Variants in EEFSEC observed in about 807,000 individuals in gnomAD.
EEFSEC encodes eukaryotic elongation factor, selenocysteine-tRNA specific.
In EEFSEC, 43 loss-of-function variants were observed where a neutral mutation model predicts 42.1. The ratio of observed to expected loss-of-function variants is 1.02; its 90% CI spans 0.80 to 1.32. The LOEUF (loss-of-function observed/expected upper bound fraction) is 1.32. Among genes scored for constraint, EEFSEC ranks in the 40% most tolerant of loss-of-function variants. The probability of loss-of-function intolerance (pLI) is 0.00; values close to 1 mark genes in which losing one functional copy is unlikely to be tolerated. For synonymous variants in EEFSEC, 354 were observed against 339.1 expected, an observed-to-expected ratio of 1.04 and a Z score of -0.48; for missense variants, 745 against 803.6, an observed-to-expected ratio of 0.93 and a Z score of 0.88.
intron 4 of EEFSEC, among the ~76,000 whole-genome samples, chr3:128,322,352 C>T (rs533193171): frequency 2.0e-5 from 3 of 152,348 alleles, no homozygotes; most frequent in African/African-American, 7.2e-5. Context: ...GTGTGGTGCC[C>T]ACATGGGGCA....
chr3:128,258,539 C>G (rs1390765914), intron 2 of EEFSEC, among the ~76,000 whole-genome samples: 1 of 152,114 alleles, frequency 6.6e-6, no homozygotes, highest in Non-Finnish European at 1.5e-5. Context: ...AGCATCTAGC[C>G]AGGTGCTGTG....
At chr3:128,417,013 G>A in the EEFSEC span, among the ~76,000 whole-genome samples, 31 of 152,132 alleles carry the variant, frequency 2.0e-4, no homozygotes, top group African/African-American at 6.3e-4. This position sits in a 1 kb window ranked among gnomAD's most constrained non-coding sequence, Gnocchi z 4.3. Context: ...GTCCCAGCAG[G>A]GTTCCTGACC....
chr3:128,281,942 G>A (rs1485474514), intron 4 of EEFSEC, among the ~76,000 whole-genome samples: 5 of 152,248 alleles, frequency 3.3e-5, no homozygotes, highest in Admixed American at 1.3e-4. Context: ...ACCTGATCCT[G>A]CTTTGGCTCT....
chr3:128,279,663 T>A (rs1305313072), intron 4 of EEFSEC, among the ~76,000 whole-genome samples: 2 of 152,000 alleles, frequency 1.3e-5, no homozygotes, highest in African/African-American at 2.4e-5. Context: ...CTACCCAGAG[T>A]TGTATGCCAG....
At chr3:128,358,658 C>A (rs1315711922) in intron 6 of EEFSEC, among the ~76,000 whole-genome samples, 1 of 152,192 alleles carries the variant, frequency 6.6e-6, no homozygotes, top group African/African-American at 2.4e-5. Context: ...GGGCCCGCAC[C>A]TTGGTTTCTC....
intron 5 of EEFSEC, among the ~76,000 whole-genome samples, chr3:128,353,773 C>A (rs957792870): frequency 6.6e-6 from 1 of 152,212 alleles, no homozygotes; most frequent in Admixed American, 6.5e-5. Context: ...TGGGGCATTG[C>A]CACACTCACT....
At chr3:128,337,468 G>T (rs573937609) in intron 4 of EEFSEC, among the ~76,000 whole-genome samples, 119 of 152,340 alleles carry the variant, frequency 7.8e-4, no homozygotes, top group African/African-American at 2.5e-3. Flanking sequence ...CATCAGGGCA[G>T]CATGAGGCCC....
intron 1 of EEFSEC, among the ~76,000 whole-genome samples, chr3:128,206,247 G>C (rs1175015861): frequency 2.6e-5 from 4 of 152,160 alleles, no homozygotes; most frequent in Admixed American, 6.5e-5. Flanking sequence ...GCAAAATCTG[G>C]TAATATTTAT....
chr3:128,276,490 C>T (rs1053021495), intron 4 of EEFSEC, among the ~76,000 whole-genome samples: 29 of 152,312 alleles, frequency 1.9e-4, no homozygotes, highest in African/African-American at 6.7e-4. Context: ...CTCTGAGCCT[C>T]AGCTTCCTTA....
rs572660462 is a variant in EEFSEC, at chr3:128,175,983, A to G, written c.316+22160A>G. ...CTGAGCCTCAGTTTTCTCATCTTCA[A>G]AATGGGGAGAATAAACTTACAAGTG... On this transcript the variant is annotated intron_variant, in intron 1 of 6. Transcript: ENST00000254730. Among the ~76,000 whole-genome samples the G allele has an allele frequency of 3.3e-5, 5 of 152,326 alleles. No homozygotes were observed. In the South Asian group the frequency reaches 8.3e-4, roughly 25 times the overall value.
At chr3:128,296,534 A>G (rs1230979621) in intron 4 of EEFSEC, among the ~76,000 whole-genome samples, 2 of 152,132 alleles carry the variant, frequency 1.3e-5, no homozygotes, top group African/African-American at 4.8e-5. Flanking sequence ...TTTTCTCAGC[A>G]TACTCACCTT....
chr3:128,204,625 C>G (rs990910128), intron 1 of EEFSEC, among the ~76,000 whole-genome samples: 7 of 152,086 alleles, frequency 4.6e-5, no homozygotes, highest in Non-Finnish European at 1.0e-4. Context: ...ATACGATGCT[C>G]CCAGCCACTC....
At chr3:128,159,729 T>C (rs908750673) in intron 1 of EEFSEC, among the ~76,000 whole-genome samples, 12 of 152,206 alleles carry the variant, frequency 7.9e-5, no homozygotes, top group African/African-American at 2.9e-4. Flanking sequence ...TTGCACCTGT[T>C]GTTGCCTCTG....
Position 128,262,152 on chromosome 3 carries a change from C to A in EEFSEC, c.549C>A (p.Pro183=). The A allele has an allele frequency of 1.9e-6, 3 of 1,614,072 alleles. No homozygotes were observed. Among genetic ancestry groups the A allele is most frequent in the Non-Finnish European group, 2.5e-6 (3 of 1,179,998 alleles). ...GGTTCCGAGGTGCACCGATTATACC[C>A]GTGGCGGCCAAGCCGGGGGGACCAG... ...NTKFRGAPII[P]VAAKPGGPEA... is the part of the protein sequence containing the mutation. Residue 183 remains proline, a synonymous_variant, in exon 3 of 7, where the codon CCC becomes CCA. Transcript: ENST00000254730.
At chr3:128,390,204 G>A (rs1027419216) in intron 6 of EEFSEC, among the ~76,000 whole-genome samples, 7 of 152,228 alleles carry the variant, frequency 4.6e-5, no homozygotes, top group African/African-American at 1.4e-4. Flanking sequence ...TAACACAAAA[G>A]TGGGACTTGG....
At chr3:128,386,680 A>G (rs58042972) in intron 6 of EEFSEC, among the ~76,000 whole-genome samples, 14,397 of 152,194 alleles carry the variant, frequency 0.095, 1,604 homozygotes, top group African/African-American at 0.27. Context: ...TTCTGGTGAG[A>G]CCTCAGGAAG....
intron 1 of EEFSEC, among the ~76,000 whole-genome samples, chr3:128,229,938 G>A (rs2065943154): frequency 6.6e-6 from 1 of 152,132 alleles, no homozygotes; most frequent in Admixed American, 6.5e-5. Context: ...GTGCCCACCA[G>A]CCCTGGAGGG....
chr3:128,161,667 C>T (rs994031655), intron 1 of EEFSEC, among the ~76,000 whole-genome samples: 3 of 152,202 alleles, frequency 2.0e-5, no homozygotes, highest in Non-Finnish European at 4.4e-5. Context: ...AAAACTTAAG[C>T]GACTTTGCCT....
At chr3:128,280,016 C>A (rs1268661358) in intron 4 of EEFSEC, among the ~76,000 whole-genome samples, 3 of 152,226 alleles carry the variant, frequency 2.0e-5, no homozygotes, top group Non-Finnish European at 2.9e-5. Flanking sequence ...CCATTAGAAT[C>A]ATCAGATCCG....
Sources: gnomAD v4.1 joint callset for allele counts (sites outside exome capture counted in the v4.1 genomes callset) on GRCh38, gnomAD v4.1.1 for gene constraint, Gnocchi (gnomAD v3.1) non-coding constraint, MANE v1.5 for transcripts, NCBI Gene and HGNC (gene_info 2026-07-23, HGNC 2026-07-21) for gene names.